GLIS3: variants seen among roughly 807,000 people sequenced by gnomAD.
GLIS3 encodes the protein zinc finger protein GLIS3.
A neutral mutation model predicts 78.6 loss-of-function variants in GLIS3; 53 were observed. The observed-to-expected ratio is 0.67, with a 90% CI of 0.54 to 0.85. The LOEUF is 0.85. Among genes scored for constraint, GLIS3 ranks in the 40% least tolerant of loss-of-function variants. The probability of loss-of-function intolerance (pLI) is 0.00; values close to 1 mark genes in which losing one functional copy is unlikely to be tolerated. For synonymous variants in GLIS3, 684 were observed against 509.9 expected (o/e 1.34, Z -4.60); for missense variants, 1,703 against 1,231.1 (o/e 1.38, Z -5.74).
intron 2 of GLIS3, among the ~76,000 whole-genome samples, chr9:4,284,282 G>C (rs1223624180): frequency 6.6e-6 from 1 of 152,148 alleles, no homozygotes; most frequent in African/African-American, 2.4e-5. Flanking sequence ...GCTGAGTTAT[G>C]ATACAATAAA....
At chr9:3,997,953 A>G (rs56115180) in intron 4 of GLIS3, among the ~76,000 whole-genome samples, 3,591 of 152,260 alleles carry the variant, frequency 0.024, 142 homozygotes, top group African/African-American at 0.082. Flanking sequence ...TAAAACCCCT[A>G]CAGAAAATGC....
At chr9:4,366,081 T>G in the GLIS3 span, among the ~76,000 whole-genome samples, 346 of 152,200 alleles carry the variant, frequency 2.3e-3, 2 homozygotes, top group African/African-American at 7.9e-3. Flanking sequence ...AGCATAAGGG[T>G]ATGGGGCACC....
At position 3,825,462 on chromosome 9, in the gene GLIS3, T is replaced by C. The variant is rs1252351154; in HGVS notation, c.*2810A>G. 6.6e-6 allele frequency: 1 copy of C among 152,178 alleles called. No homozygotes were observed. Among genetic ancestry groups the C allele is most frequent in the Non-Finnish European group, 1.5e-5 (1 of 68,034 alleles). The allele number at this position is 152,178 out of a possible 1,614,324, so 9.4% of individuals were successfully genotyped here. A position where few individuals can be genotyped will look rare whatever the true frequency, so the allele number is the denominator to read the frequency against. ...TTTTTAATGCAATAGGATAATTGTC[T>C]TTGCGCTGTGTGTTTTCACAAGCAC... is the stretch of plus-strand genomic sequence containing the variant. On this transcript the variant is annotated 3_prime_UTR_variant, in exon 11 of 11. Transcript: ENST00000381971.
chr9:4,443,874 T>C, the GLIS3 span, among the ~76,000 whole-genome samples: 2 of 152,124 alleles, frequency 1.3e-5, no homozygotes, highest in Non-Finnish European at 2.9e-5. Flanking sequence ...CTCAAAGAAG[T>C]CAAAATTATG....
intron 4 of GLIS3, among the ~76,000 whole-genome samples, chr9:4,065,038 G>T (rs1363960651): frequency 6.6e-6 from 1 of 152,108 alleles, no homozygotes; most frequent in Non-Finnish European, 1.5e-5. Context: ...GGAAAAAGTT[G>T]GATTCTAGAA....
chr9:4,422,063 G>A, the GLIS3 span, among the ~76,000 whole-genome samples: 1 of 152,320 alleles, frequency 6.6e-6, no homozygotes, highest in South Asian at 2.1e-4. Context: ...AAGTTACAGT[G>A]TTTGCAGATT....
At chr9:4,038,522 T>C (rs1824523820) in intron 4 of GLIS3, among the ~76,000 whole-genome samples, 1 of 152,174 alleles carries the variant, frequency 6.6e-6, no homozygotes, top group South Asian at 2.1e-4. Flanking sequence ...TGAAATCCAA[T>C]ACACTTTCCC....
At chr9:3,901,815 T>C (rs1823326018) in intron 6 of GLIS3, among the ~76,000 whole-genome samples, 1 of 152,206 alleles carries the variant, frequency 6.6e-6, no homozygotes, top group Non-Finnish European at 1.5e-5. Flanking sequence ...TCAGGACCTT[T>C]GGAAGGTATG....
At chr9:3,836,572 T>C (rs542292416) in intron 9 of GLIS3, among the ~76,000 whole-genome samples, 7 of 152,306 alleles carry the variant, frequency 4.6e-5, no homozygotes, top group African/African-American at 1.4e-4. Flanking sequence ...CCCTACTCTT[T>C]TGGGGCCCTT....
chr9:3,837,280 C>T (rs181918733), intron 9 of GLIS3, among the ~76,000 whole-genome samples: 2 of 152,166 alleles, frequency 1.3e-5, no homozygotes, highest in Non-Finnish European at 1.5e-5. Context: ...AGTGATAACA[C>T]CAAATGCTGG....
In GLIS3 at chr9:3,874,903, A is replaced by G. The variant is rs73384244; in HGVS notation, c.2297+4524T>C. Among the ~76,000 whole-genome samples the G allele has an allele frequency of 7.3e-3, 1,114 of 152,286 alleles. 17 individuals are homozygous for G. The highest frequency in any genetic ancestry group is 0.025 in the African/African-American group (1,034 of 41,544). ...TAAGCCTCTCCACTGTGGTCAATCC[A>G]CAGGCCTCCTTCAGCTCTATTACCT... On this transcript the variant is annotated intron_variant, in intron 8 of 10. Transcript: ENST00000381971.
intron 4 of GLIS3, among the ~76,000 whole-genome samples, chr9:4,115,839 C>A (rs1488500998): frequency 6.6e-6 from 1 of 152,090 alleles, no homozygotes; most frequent in Non-Finnish European, 1.5e-5. Flanking sequence ...AGATTCGATA[C>A]ACTGTTAAAT....
chr9:4,349,515 G>A (rs773218019), upstream of GLIS3, among the ~76,000 whole-genome samples: 20 of 152,010 alleles, frequency 1.3e-4, no homozygotes, highest in Non-Finnish European at 2.1e-4. Context: ...AATGGTCATT[G>A]CACAGAAAAA....
At position 3,977,687 on chromosome 9, in the gene GLIS3, G is replaced by C. The variant is rs1309386764; in HGVS notation, c.1711-40498C>G. Reference sequence around the variant, plus strand: ...ATGACGGCTTAGTTCAAAGATCATAGAGATGTTACTTTACTTTAATAGTTC... The same window carrying C: ...ATGACGGCTTAGTTCAAAGATCATACAGATGTTACTTTACTTTAATAGTTC... On this transcript the variant is annotated intron_variant, in intron 4 of 10. Transcript: ENST00000381971. This position sits in a 1 kb window ranked among gnomAD's most constrained non-coding sequence, Gnocchi z 4.1. Among the ~76,000 whole-genome samples the C allele has an allele frequency of 1.3e-5, 2 of 152,164 alleles. No homozygotes were observed. The highest frequency in any genetic ancestry group is 6.5e-5 in the Admixed American group (1 of 15,274).
the GLIS3 span, among the ~76,000 whole-genome samples, chr9:4,466,252 G>C: frequency 6.6e-6 from 1 of 152,182 alleles, no homozygotes; most frequent in African/African-American, 2.4e-5. Context: ...AAATTGACCT[G>C]AGAAGAAATA....
Position 4,134,171 on chromosome 9 carries a change from C to G in GLIS3, c.389-8230G>C, listed in dbSNP as rs1036850168. Among the ~76,000 whole-genome samples, 7 of 152,072 alleles carry G rather than the reference C, an allele frequency of 4.6e-5. No individual in the cohort carries two copies. The East Asian group carries it at 9.6e-4, about 21-fold the overall frequency. The stretch of plus-strand genomic sequence containing the variant: ...TATATAAGCCTGGCCCTTTTATTTC[C>G]TAGCAAGCACAAATTCAACTACAAT... On this transcript the variant is annotated intron_variant, in intron 2 of 10. Transcript: ENST00000381971.
chr9:3,995,228 G>A (rs1463343437), intron 4 of GLIS3, among the ~76,000 whole-genome samples: 2 of 151,986 alleles, frequency 1.3e-5, no homozygotes, highest in African/African-American at 2.4e-5. Context: ...AGAAAACCTG[G>A]GTTTGAATCC....
chr9:4,072,667 C>CT (rs548029265), intron 4 of GLIS3, among the ~76,000 whole-genome samples: 1 of 151,574 alleles, frequency 6.6e-6, no homozygotes, highest in Non-Finnish European at 1.5e-5. Context: ...CAAGCATGAA[C>CT]TTTTTTTTAA....
At chr9:4,365,786 A>G in the GLIS3 span, among the ~76,000 whole-genome samples, 3 of 152,320 alleles carry the variant, frequency 2.0e-5, no homozygotes, top group East Asian at 5.8e-4. Flanking sequence ...TAGTGGAAAA[A>G]TCACGTTATG....
Sources: gnomAD v4.1 joint callset for allele counts (sites outside exome capture counted in the v4.1 genomes callset) on GRCh38, gnomAD v4.1.1 for gene constraint, Gnocchi (gnomAD v3.1) non-coding constraint, MANE v1.5 for transcripts, NCBI Gene and HGNC (gene_info 2026-07-23, HGNC 2026-07-21) for gene names.